Variants in CFP observed in about 807,000 individuals in gnomAD.
CFP encodes the protein complement factor properdin, also known as properdin.
A neutral mutation model predicts 42.1 loss-of-function variants in CFP; 14 were observed. The ratio of observed to expected loss-of-function variants is 0.33; its 90% CI spans 0.22 to 0.52. The LOEUF is 0.52. CFP is among the 20% of genes least tolerant of loss of function. CFP has a pLI of 0.96. For missense variants in CFP, 318 were observed against 400.4 expected (o/e 0.79, Z 1.76); for synonymous variants, 149 against 160.6 (o/e 0.93, Z 0.54).
At position 47,624,033 on chromosome X, in the gene CFP, T is replaced by C; in HGVS notation, c.*242A>G. 2.4e-6 allele frequency: 1 copy of C among 413,924 alleles called. No homozygotes were observed. The highest frequency in any genetic ancestry group is 4.3e-6 in the Non-Finnish European group (1 of 233,870). The allele number at this position is 413,924 out of a possible 1,213,427, so 34.1% of individuals were successfully genotyped here. A position where few individuals can be genotyped will look rare whatever the true frequency, so the allele number is the denominator to read the frequency against. ...GGTTATGGCAGCGGCGGGGAGAGGC[T>C]GGGACTGCACACTCGCTTTCACTCC... On this transcript the variant is annotated 3_prime_UTR_variant, in exon 9 of 9. Transcript: ENST00000396992.
At position 47,627,189 on chromosome X, in the gene CFP, C is replaced by T. The variant is rs751796510; in HGVS notation, c.718G>A (p.Gly240Arg). 1 of 1,211,853 alleles carries T rather than the reference C, an allele frequency of 8.3e-7. No individual in the cohort carries two copies. Among genetic ancestry groups the T allele is most frequent in the African/African-American group, 1.7e-5 (1 of 57,938 alleles). Residue 240 changes from glycine to arginine, a missense_variant, in exon 5 of 9, where the codon GGG becomes AGG. By Grantham distance (125) the Gly-to-Arg change is moderately radical (BLOSUM62 -2). Coordinates refer to ENST00000396992, the MANE Select transcript of CFP (RefSeq NM_001145252.3). ...SQKPPGKPCP[G>R]LAYEQRRCTG... is the part of the protein sequence containing the mutation. ...CACCTCCGCTGCTCGTAGGCTAGCCCCGGGCAGGGCTTCCCAGGAGGTTTC... is the reference window on the plus strand; with the variant it reads ...CACCTCCGCTGCTCGTAGGCTAGCCTCGGGCAGGGCTTCCCAGGAGGTTTC...
chrX:47,629,508 C>T lies in CFP; in HGVS notation c.227+16G>A. 9.3e-7 allele frequency: 1 copy of T among 1,079,283 alleles called. No individual in the cohort carries two copies. Among genetic ancestry groups the T allele is most frequent in the Non-Finnish European group, 1.3e-6 (1 of 797,014 alleles). The allele number at this position is 1,079,283 out of a possible 1,213,427, so 88.9% of individuals were successfully genotyped here. A position where few individuals can be genotyped will look rare whatever the true frequency, so the allele number is the denominator to read the frequency against. On this transcript the variant is annotated intron_variant, in intron 2 of 8. Coordinates refer to ENST00000396992, the MANE Select transcript of CFP (RefSeq NM_001145252.3). The stretch of plus-strand genomic sequence containing the variant: ...CCTTCCCTCCCCCCCATCCCCCACC[C>T]CAGGCTCCCCCTAACCTGCAAGGCT...
rs1348954436 is a variant in CFP at position 47,629,851 on chromosome X, T to C, written c.-7A>G. 8.6e-7 allele frequency: 1 copy of C among 1,163,213 alleles called. No homozygotes were observed. Among genetic ancestry groups the C allele is most frequent in the East Asian group, 3.3e-5 (1 of 30,661 alleles). Reference sequence around the variant, plus strand: ...GCGCTCCCTCTGTGATCATGTTGAGTACTGCCCCCTGCACCTCTACCAGAG... The same window carrying C: ...GCGCTCCCTCTGTGATCATGTTGAGCACTGCCCCCTGCACCTCTACCAGAG... On this transcript the variant is annotated 5_prime_UTR_variant, in exon 1 of 9. Transcript: ENST00000396992.
rs747543016 is a variant in CFP, at chrX:47,629,664, G to A, written c.87C>T (p.Pro29=). The part of the protein sequence containing the change: ...LLTLPATGSD[P]VLCFTQYEES... Reference sequence around the variant, plus strand: ...CTTCATACTGGGTGAAGCAGAGCACGGGGTCTGAGCCTGTAACAGGGCCAG... The same window carrying A: ...CTTCATACTGGGTGAAGCAGAGCACAGGGTCTGAGCCTGTAACAGGGCCAG... The change falls in exon 2 of 9, where the codon CCC becomes CCT. Residue 29 remains proline, a synonymous_variant. Coordinates refer to ENST00000396992, the MANE Select transcript of CFP (RefSeq NM_001145252.3). 33 of 1,166,540 alleles carry A rather than the reference G, an allele frequency of 2.8e-5. No individual in the cohort carries two copies. The Middle Eastern group carries it at 4.6e-3, about 163-fold the overall frequency.
chrX:47,627,659 G>A lies in CFP; in HGVS notation c.404-18C>T, dbSNP rs774978130. ...GCCCATCTCTGTGGGAGAGAAGAGA[G>A]GGTAATGGGATGGAGGTGGGGTGTC... is the stretch of plus-strand genomic sequence containing the variant. On this transcript the variant is annotated intron_variant, in intron 3 of 8. Transcript: ENST00000396992. The A allele has an allele frequency of 8.5e-7, 1 of 1,181,086 alleles. No individual in the cohort carries two copies. Among genetic ancestry groups the A allele is most frequent in the Non-Finnish European group, 1.1e-6 (1 of 877,810 alleles).
At chrX:47,626,743 C>T (rs2057969996) in intron 6 of CFP, 30 bp downstream of exon 6, 4 of 1,188,607 alleles carry the variant, frequency 3.4e-6, no homozygotes, top group Non-Finnish European at 4.5e-6. Context: ...GGGACTTAGG[C>T]ATGCAAATCG....
chrX:47,626,517 C>G lies in CFP; in HGVS notation c.943G>C (p.Asp315His). 8.3e-7 allele frequency: 1 copy of G among 1,211,561 alleles called. No homozygotes were observed. The highest frequency in any genetic ancestry group is 1.1e-6 in the Non-Finnish European group (1 of 895,191). The change falls in exon 7 of 9, where the codon GAT (aspartate) becomes CAT (histidine). Residue 315 changes from aspartate to histidine, a missense_variant and splice_region_variant. Coordinates refer to ENST00000396992, the MANE Select transcript of CFP (RefSeq NM_001145252.3). ...TCCCCCCACGAGTCCCACTCCCCAT[C>G]CACTGCAGAGACAGGGCAACAGGGG... ...ICNTAVPCPV[D>H]GEWDSWGEWS...
rs61737993 is a variant in CFP, at chrX:47,626,818, C to T, written c.895G>A (p.Asp299Asn). ...PQHGGPFCAG[D>N]ATRTHICNTA... ...TTGCAGATGTGGGTCCGGGTGGCAT[C>T]GCCAGCACAGAAGGGGCCCCCATGC... The change falls in exon 6 of 9, where the codon GAT becomes AAT. Residue 299 changes from aspartate (D) to asparagine (N), a missense_variant. Physicochemically the swap from Asp to Asn is conservative, Grantham distance 23 (BLOSUM62 1). Transcript: ENST00000396992. 1,766 of 1,210,303 alleles carry T rather than the reference C, an allele frequency of 1.5e-3. 5 individuals are homozygous for T. The highest frequency in any genetic ancestry group is 1.8e-3 in the Middle Eastern group (8 of 4,348).
At chrX:47,630,001 C>T (rs2061560371), upstream of CFP, 2 of 515,064 alleles carry the variant, frequency 3.9e-6, no homozygotes, top group Non-Finnish European at 6.7e-6. Context: ...GCCTCCTTCT[C>T]TACTCTCCCC....
intron 2 of CFP, chrX:47,629,147 G>A (rs1222581447): frequency 9.8e-6 from 2 of 204,901 alleles, no homozygotes; most frequent in Admixed American, 1.3e-4. Flanking sequence ...CAGTGTGCAG[G>A]AGGTGCTCAA....
intron 8 of CFP, 58 bp downstream of exon 8, chrX:47,626,000 A>G: frequency 1.0e-6 from 1 of 1,004,636 alleles, no homozygotes; most frequent in East Asian, 3.3e-5. Flanking sequence ...GGGGTAGCCG[A>G]CTCTCCCGCC....
chrX:47,627,110 C>G, intron 5 of CFP, 31 bp downstream of exon 5: 2 of 1,206,969 alleles, frequency 1.7e-6, no homozygotes, highest in African/African-American at 3.5e-5. Flanking sequence ...AGAGCCCCAC[C>G]AGCAACATCA....
chrX:47,630,109 C>T (rs2057985478), upstream of CFP: 10 of 402,809 alleles, frequency 2.5e-5, no homozygotes, highest in South Asian at 3.3e-4. Flanking sequence ...TCAATAGAAG[C>T]TCCTAGGACA....
rs1027944851 is a variant in CFP, at chrX:47,626,684, C to T, written c.940+89G>A. 21 of 1,101,561 alleles carry T rather than the reference C, an allele frequency of 1.9e-5. No individual in the cohort carries two copies. In the African/African-American group the frequency reaches 3.4e-4, roughly 18 times the overall value. 90.8% of individuals were successfully genotyped at this position (1,101,561 alleles called of 1,213,427 possible). On this transcript the variant is annotated intron_variant, in intron 6 of 8. Transcript: ENST00000396992. ...GGGCCAGGAAAGGAGGAATCAGAGACAGGAACAAGGCCTCAGCAGCAGGAG... is the reference window on the plus strand; with the variant it reads ...GGGCCAGGAAAGGAGGAATCAGAGATAGGAACAAGGCCTCAGCAGCAGGAG...
At position 47,623,282 on chromosome X, in the gene CFP, T is replaced by C. The variant is rs1055825885; in HGVS notation, c.*993A>G. The C allele has an allele frequency of 8.9e-6, 1 of 112,471 alleles. No individual in the cohort carries two copies. The highest frequency in any genetic ancestry group is 1.9e-5 in the Non-Finnish European group (1 of 53,295). 9.3% of individuals were successfully genotyped at this position (112,471 alleles called of 1,213,427 possible). On this transcript the variant is annotated 3_prime_UTR_variant, in exon 9 of 9. Coordinates refer to ENST00000396992, the MANE Select transcript of CFP (RefSeq NM_001145252.3). ...TGAGCAAATGCTAAAAGCACTGGTG[T>C]CTGGCTTTGTTCCCTTTACTGCGGA...
chrX:47,630,139 T>A, upstream of CFP: 1 of 374,911 alleles, frequency 2.7e-6, no homozygotes, highest in Non-Finnish European at 4.7e-6. Flanking sequence ...CCAGAGGAAA[T>A]GGAGCATAGG....
intron 6 of CFP, 104 bp from the exon 7 acceptor site, chrX:47,626,623 T>C: frequency 9.7e-7 from 1 of 1,034,870 alleles, no homozygotes; most frequent in Non-Finnish European, 1.3e-6. Flanking sequence ...TGATCAGATG[T>C]GTGAATGGGG....
In CFP at chrX:47,623,950, A is replaced by G. The variant is rs2057957682; in HGVS notation, c.*325T>C. The G allele has an allele frequency of 3.6e-6, 1 of 281,655 alleles. No homozygotes were observed. The highest frequency in any genetic ancestry group is 7.6e-5 in the East Asian group (1 of 13,088). 23.2% of individuals were successfully genotyped at this position (281,655 alleles called of 1,213,427 possible). A position where few individuals can be genotyped will look rare whatever the true frequency, so the allele number is the denominator to read the frequency against. On this transcript the variant is annotated 3_prime_UTR_variant, in exon 9 of 9. Transcript: ENST00000396992. ...AAACCCGTAACGCGGAGCTCTGCAGAGGAACGTGCCGGGCGGCCCTGAGGC... is the reference window on the plus strand; with the variant it reads ...AAACCCGTAACGCGGAGCTCTGCAGGGGAACGTGCCGGGCGGCCCTGAGGC...
intron 3 of CFP, 95 bp downstream of exon 3, chrX:47,628,007 C>T (rs1388841415): frequency 3.1e-5 from 32 of 1,038,226 alleles, no homozygotes; most frequent in Non-Finnish European, 3.8e-5. Context: ...CTTACAAACA[C>T]TGGGGACGGG....
Sources: allele counts gnomAD v4.1 joint callset, GRCh38; gene constraint gnomAD v4.1.1; transcripts MANE v1.5; gene names NCBI Gene and HGNC (gene_info 2026-07-23, HGNC 2026-07-21).